Variants in CCDC148 observed in about 807,000 individuals in gnomAD.
CCDC148 encodes coiled-coil domain-containing protein 148.
In CCDC148, 89 loss-of-function variants were observed where a neutral mutation model predicts 85.7. The ratio of observed to expected loss-of-function variants is 1.04; its 90% CI spans 0.87 to 1.24. The LOEUF (loss-of-function observed/expected upper bound fraction) is 1.24. Among genes scored for constraint, CCDC148 ranks in the 50% most tolerant of loss-of-function variants. CCDC148 has a pLI of 0.00. For synonymous variants in CCDC148, 230 were observed against 213.9 expected (o/e 1.08, Z -0.66); for missense variants, 692 against 671.7 (o/e 1.03, Z -0.33).
chr2:158,258,405 T>C (rs761257421), intron 9 of CCDC148, among the ~76,000 whole-genome samples: 1 of 151,862 alleles, frequency 6.6e-6, no homozygotes, highest in Non-Finnish European at 1.5e-5. Flanking sequence ...AAGCACAGCA[T>C]AGATGAGAAA....
chr2:158,402,861 T>G (rs952750715), intron 1 of CCDC148, among the ~76,000 whole-genome samples: 2 of 152,086 alleles, frequency 1.3e-5, no homozygotes, highest in African/African-American at 4.8e-5. Context: ...TAGAGTAATA[T>G]CTTTATTTGA....
At position 158,456,586 on chromosome 2, in the gene CCDC148, T is replaced by C. The variant is rs1312015485; in HGVS notation, c.-147A>G. 5.7e-5 allele frequency: 58 copies of C among 1,020,282 alleles called. No individual in the cohort carries two copies. The highest frequency in any genetic ancestry group is 7.6e-5 in the Non-Finnish European group (54 of 708,018). The allele number at this position is 1,020,282 out of a possible 1,614,324, so 63.2% of individuals were successfully genotyped here. ...CAGGGACAAACCCTACCAGGCACAG[T>C]TGGGATTGGCAGTAAGGCAAGGAAA... On this transcript the variant is annotated 5_prime_UTR_variant, in exon 1 of 14. Transcript: ENST00000283233.
chr2:158,373,876 A>T (rs1377242292), intron 1 of CCDC148, among the ~76,000 whole-genome samples: 2 of 152,044 alleles, frequency 1.3e-5, no homozygotes, highest in Non-Finnish European at 2.9e-5. Flanking sequence ...ATTAGGATAT[A>T]TGCTCCATGA....
At chr2:158,278,639 G>T (rs570845032) in intron 9 of CCDC148, among the ~76,000 whole-genome samples, 101 of 152,378 alleles carry the variant, frequency 6.6e-4, no homozygotes, top group African/African-American at 2.2e-3. Context: ...ACAACTGGGT[G>T]GAGCCCACCA....
chr2:158,377,302 A>G (rs77947265), intron 1 of CCDC148, among the ~76,000 whole-genome samples: 1 of 151,990 alleles, frequency 6.6e-6, no homozygotes, highest in African/African-American at 2.4e-5. Flanking sequence ...GGTACAAATT[A>G]CCATGTAACA....
chr2:158,433,966 G>A (rs1359682760), intron 1 of CCDC148, among the ~76,000 whole-genome samples: 2 of 152,180 alleles, frequency 1.3e-5, no homozygotes, highest in South Asian at 2.1e-4. Flanking sequence ...GGTAAAAACG[G>A]CTGGAAAGCT....
intron 11 of CCDC148, among the ~76,000 whole-genome samples, chr2:158,204,770 A>G (rs1330629346): frequency 6.6e-6 from 1 of 152,190 alleles, no homozygotes; most frequent in African/African-American, 2.4e-5. Context: ...AACATACACC[A>G]AGAAGACATA....
intron 2 of CCDC148, among the ~76,000 whole-genome samples, chr2:158,352,529 A>C (rs1158586446): frequency 6.6e-6 from 1 of 152,000 alleles, no homozygotes; most frequent in Non-Finnish European, 1.5e-5. Context: ...TTAGAGAAAA[A>C]AGAATAAAAA....
chr2:158,227,616 T>C (rs1321470072), intron 10 of CCDC148, among the ~76,000 whole-genome samples: 1 of 152,012 alleles, frequency 6.6e-6, no homozygotes, highest in Non-Finnish European at 1.5e-5. Context: ...GAGATATAGA[T>C]CAGTGGAACA....
At chr2:158,290,310 A>G (rs887046948) in intron 9 of CCDC148, among the ~76,000 whole-genome samples, 2 of 152,208 alleles carry the variant, frequency 1.3e-5, no homozygotes, top group East Asian at 3.8e-4. Context: ...ATTTCATCCC[A>G]TGGTCTCTAA....
intron 1 of CCDC148, chr2:158,425,060 A>T (rs1192038624): frequency 2.2e-6 from 1 of 453,976 alleles, no homozygotes; most frequent in African/African-American, 2.0e-5. Context: ...GGGGGTCGTG[A>T]CCAAGGTCAA....
In CCDC148 at chr2:158,250,470, C is replaced by T. The variant is rs573597789; in HGVS notation, c.1251+302G>A. ...AGTACCCTCTCATTTTTTGCCACGTCCCTATTTATTACAAGATTTAACAAC... is the reference window on the plus strand; with the variant it reads ...AGTACCCTCTCATTTTTTGCCACGTTCCTATTTATTACAAGATTTAACAAC... On this transcript the variant is annotated intron_variant, in intron 10 of 13. Transcript: ENST00000283233. Among the ~76,000 whole-genome samples, 4 of 151,396 alleles carry T rather than the reference C, an allele frequency of 2.6e-5. No homozygotes were observed. In the East Asian group the frequency reaches 7.8e-4, roughly 30 times the overall value.
At position 158,220,616 on chromosome 2, in the gene CCDC148, T is replaced by C; in HGVS notation, c.1349A>G (p.Gln450Arg). The C allele has an allele frequency of 6.2e-7, 1 of 1,604,862 alleles. No homozygotes were observed. The highest frequency in any genetic ancestry group is 8.5e-7 in the Non-Finnish European group (1 of 1,177,398). ...LEELKKLIAE[Q>R]SLKDRERVKY... ...TTACCTTTCTCTGTCTTTTAGTGACTGTTCAGCGATTAATTTCTTCAGTTC... is the reference window on the plus strand; with the variant it reads ...TTACCTTTCTCTGTCTTTTAGTGACCGTTCAGCGATTAATTTCTTCAGTTC... Residue 450 changes from glutamine (Q) to arginine (R), a missense_variant, in exon 11 of 14, where the codon CAG becomes CGG. Transcript: ENST00000283233.
chr2:158,430,058 T>G (rs545125471), intron 1 of CCDC148, among the ~76,000 whole-genome samples: 5 of 152,226 alleles, frequency 3.3e-5, no homozygotes, highest in Non-Finnish European at 5.9e-5. Flanking sequence ...TGCTGAATAC[T>G]GAGAGGTGTG....
intron 1 of CCDC148, among the ~76,000 whole-genome samples, chr2:158,404,024 T>C (rs1182144868): frequency 6.6e-6 from 1 of 152,168 alleles, no homozygotes; most frequent in African/African-American, 2.4e-5. Flanking sequence ...TTGCCTTTTG[T>C]AAAATAGCAT....
Position 158,340,724 on chromosome 2 carries a change from A to C in CCDC148, c.252-44T>G, listed in dbSNP as rs1360696564. The stretch of plus-strand genomic sequence containing the variant: ...CAATAAATGTTACAATCATAAACAT[A>C]CATCTAGGTTTTTAAAAAATAACCA... On this transcript the variant is annotated intron_variant, in intron 3 of 13. Coordinates refer to ENST00000283233, the MANE Select transcript of CCDC148 (RefSeq NM_138803.4). 4 of 1,143,602 alleles carry C rather than the reference A, an allele frequency of 3.5e-6. No homozygotes were observed. In the South Asian group the frequency reaches 5.8e-5, roughly 17 times the overall value. 70.8% of individuals were successfully genotyped at this position (1,143,602 alleles called of 1,614,324 possible). A position where few individuals can be genotyped will look rare whatever the true frequency, so the allele number is the denominator to read the frequency against.
chr2:158,282,232 C>G (rs999033692), intron 9 of CCDC148, among the ~76,000 whole-genome samples: 15 of 152,098 alleles, frequency 9.9e-5, no homozygotes, highest in Non-Finnish European at 1.9e-4. Context: ...CAGGGATGCC[C>G]TCTCTCACCA....
intron 2 of CCDC148, among the ~76,000 whole-genome samples, chr2:158,345,702 T>C (rs1270220443): frequency 6.6e-6 from 1 of 152,108 alleles, no homozygotes; most frequent in Non-Finnish European, 1.5e-5. Flanking sequence ...TTTATTCACA[T>C]TTTTGGAGGA....
At chr2:158,231,845 C>T (rs922802927) in intron 10 of CCDC148, among the ~76,000 whole-genome samples, 1 of 152,084 alleles carries the variant, frequency 6.6e-6, no homozygotes, top group African/African-American at 2.4e-5. Flanking sequence ...TGGTAAAGGC[C>T]AAACTAAGTA....
Sources: allele counts gnomAD v4.1 joint callset (sites outside exome capture counted in the v4.1 genomes callset), GRCh38; gene constraint gnomAD v4.1.1; transcripts MANE v1.5; gene names NCBI Gene and HGNC (gene_info 2026-07-23, HGNC 2026-07-21).